Variants in IL19 observed in about 807,000 individuals in gnomAD.
IL19 encodes the protein interleukin-19.
A neutral mutation model predicts 19.5 loss-of-function variants in IL19; 15 were observed. That is an observed-to-expected ratio of 0.77 (90% CI 0.52 to 1.19). The LOEUF (loss-of-function observed/expected upper bound fraction) is 1.19, where lower values mean the gene tolerates loss of function less well. Among genes scored for constraint, IL19 ranks in the 50% most tolerant of loss-of-function variants. IL19 has a pLI of 0.00. For missense variants in IL19, 199 were observed against 213.1 expected (o/e 0.93, Z 0.41); for synonymous variants, 78 against 78.3 (o/e 1.00, Z 0.02).
At chr1:206,795,161 G>A (rs1675494098) in intron 1 of IL19, among the ~76,000 whole-genome samples, 1 of 152,182 alleles carries the variant, frequency 6.6e-6, no homozygotes, top group Admixed American at 6.5e-5. Context: ...GGGAAGTACA[G>A]TAACACCTGG....
chr1:206,840,906 A>G (rs1262156191), intron 5 of IL19, 98 bp from the exon 6 acceptor site: 1 of 935,596 alleles, frequency 1.1e-6, no homozygotes, highest in Non-Finnish European at 1.7e-6. Flanking sequence ...TCACTGTGGG[A>G]GGGAGGAGAA....
At chr1:206,806,839 T>C (rs1675859605) in intron 2 of IL19, among the ~76,000 whole-genome samples, 2 of 152,206 alleles carry the variant, frequency 1.3e-5, no homozygotes, top group African/African-American at 4.8e-5. Flanking sequence ...TTCTAAGCCA[T>C]TTTGTACATG....
At chr1:206,824,282 G>A (rs1247302238) in intron 2 of IL19, among the ~76,000 whole-genome samples, 3 of 152,188 alleles carry the variant, frequency 2.0e-5, no homozygotes, top group Non-Finnish European at 4.4e-5. Context: ...CCCATCTAAA[G>A]AAAGGAGGAC....
At chr1:206,797,646 A>G (rs1201508961) in intron 1 of IL19, among the ~76,000 whole-genome samples, 1 of 152,130 alleles carries the variant, frequency 6.6e-6, no homozygotes, top group East Asian at 1.9e-4. Flanking sequence ...TCTCAAGGAC[A>G]TTTCCTGCTG....
rs181152829 is a variant in IL19, at chr1:206,823,214, C to T, written c.-2-13447C>T. Among the ~76,000 whole-genome samples, 260 of 152,150 alleles carry T rather than the reference C, an allele frequency of 1.7e-3. 1 individual carries two copies. Among genetic ancestry groups the T allele is most frequent in the African/African-American group, 6.0e-3 (248 of 41,522 alleles). On this transcript the variant is annotated intron_variant, in intron 2 of 6. Coordinates refer to ENST00000659997, the MANE Select transcript of IL19 (RefSeq NM_153758.5). ...CAAAGTGCTGGGAGGCATATGCCAC[C>T]GCACCTGGCCTAAACATTTTTTTTC...
rs767568537 is a variant in IL19, at chr1:206,836,673, A to G, written c.11A>G (p.Gln4Arg). 3 of 1,607,460 alleles carry G rather than the reference A, an allele frequency of 1.9e-6. No individual in the cohort carries two copies. The highest frequency in any genetic ancestry group is 2.5e-6 in the Non-Finnish European group (3 of 1,177,280). MKL[Q>R]CVSLWLLGTI... is the part of the protein sequence containing the mutation. ...CTCCTTTCTGCAGGCATGAAGTTAC[A>G]GTGTGTTTCCCTTTGGCTCCTGGGT... The change falls in exon 3 of 7, where the codon CAG becomes CGG. Residue 4 changes from glutamine to arginine, a missense_variant. Gln to Arg is a conservative substitution (Grantham distance 43). Coordinates refer to ENST00000659997, the MANE Select transcript of IL19 (RefSeq NM_153758.5).
intron 2 of IL19, 143 bp downstream of exon 2, chr1:206,799,149 C>T: frequency 1.5e-6 from 1 of 674,810 alleles, no homozygotes; most frequent in African/African-American, 1.8e-5. Context: ...CATAAAGTTC[C>T]TTATTGCCAG....
intron 2 of IL19, among the ~76,000 whole-genome samples, chr1:206,804,612 A>G (rs11119598): frequency 0.069 from 10,559 of 152,148 alleles, 466 homozygotes; most frequent in African/African-American, 0.12. Context: ...ACCCAGTGAG[A>G]ATGAGATTTG....
At chr1:206,832,088 A>T (rs1218891438) in intron 2 of IL19, among the ~76,000 whole-genome samples, 1 of 152,186 alleles carries the variant, frequency 6.6e-6, no homozygotes, top group Non-Finnish European at 1.5e-5. Flanking sequence ...ACCTCCCTCC[A>T]TCCCACCCCT....
chr1:206,781,729 G>A (rs1047559244), intron 1 of IL19, among the ~76,000 whole-genome samples: 1 of 151,374 alleles, frequency 6.6e-6, no homozygotes, highest in Non-Finnish European at 1.5e-5. Flanking sequence ...GAGCAACTGC[G>A]TCCAGCCTTG....
chr1:206,829,841 G>A (rs1293497178), intron 2 of IL19, among the ~76,000 whole-genome samples: 1 of 152,150 alleles, frequency 6.6e-6, no homozygotes, highest in African/African-American at 2.4e-5. Flanking sequence ...AGGGTCTGAG[G>A]CTTTGAACAG....
In IL19 at chr1:206,795,359, G is replaced by A. The variant is rs923155702; in HGVS notation, c.-148-3502G>A. On this transcript the variant is annotated intron_variant, in intron 1 of 6. Transcript: ENST00000659997. ...ATACACAAGTTGCCTTTGGCTCTGA[G>A]GCTGCTTTATAAGAACTAGTCCTGG... Among the ~76,000 whole-genome samples the A allele has an allele frequency of 4.6e-5, 7 of 152,308 alleles. No homozygotes were observed. In the East Asian group the frequency reaches 5.8e-4, roughly 13 times the overall value.
At chr1:206,782,233 G>A (rs1396381615) in intron 1 of IL19, among the ~76,000 whole-genome samples, 1 of 151,942 alleles carries the variant, frequency 6.6e-6, no homozygotes, top group East Asian at 1.9e-4. Context: ...GAGAAGAGTG[G>A]CAGTGTTCTG....
At chr1:206,834,064 T>C (rs1000127192) in intron 2 of IL19, 2 of 985,448 alleles carry the variant, frequency 2.0e-6, no homozygotes, top group African/African-American at 1.7e-5. Context: ...GTGACCTAAG[T>C]TGGATTTTTC....
At chr1:206,804,213 A>G (rs993268294) in intron 2 of IL19, among the ~76,000 whole-genome samples, 4 of 152,174 alleles carry the variant, frequency 2.6e-5, no homozygotes, top group Non-Finnish European at 2.9e-5. Context: ...GCAGATGACA[A>G]CTGCAGAATG....
intron 2 of IL19, among the ~76,000 whole-genome samples, chr1:206,813,675 A>G (rs548967908): frequency 2.0e-5 from 3 of 152,218 alleles, no homozygotes; most frequent in African/African-American, 7.2e-5. Flanking sequence ...ATGATATTTT[A>G]GAGTTCTCTT....
chr1:206,801,725 T>C (rs761666682), intron 2 of IL19, among the ~76,000 whole-genome samples: 12 of 152,252 alleles, frequency 7.9e-5, no homozygotes, highest in Non-Finnish European at 1.5e-4. Flanking sequence ...AGTTATCTGT[T>C]CTTATGTTCA....
intron 2 of IL19, among the ~76,000 whole-genome samples, chr1:206,817,358 A>G (rs1014519726): frequency 6.6e-6 from 1 of 152,220 alleles, no homozygotes; most frequent in African/African-American, 2.4e-5. Context: ...ACAGGGAGAC[A>G]GATTTGAGCT....
chr1:206,834,813 A>G (rs1194096217), intron 2 of IL19, among the ~76,000 whole-genome samples: 1 of 152,170 alleles, frequency 6.6e-6, no homozygotes, highest in Non-Finnish European at 1.5e-5. Context: ...CTGGGATCCC[A>G]GGCTATGATG....
Sources: allele counts gnomAD v4.1 joint callset (sites outside exome capture counted in the v4.1 genomes callset), GRCh38; gene constraint gnomAD v4.1.1; transcripts MANE v1.5; gene names NCBI Gene and HGNC (gene_info 2026-07-23, HGNC 2026-07-21).